CAMKK1: variants seen among roughly 807,000 people sequenced by gnomAD.
The protein encoded by CAMKK1 is calcium/calmodulin-dependent protein kinase kinase 1.
CAMKK1 carries 20 observed loss-of-function variants against 63.5 expected under a neutral mutation model. The ratio of observed to expected loss-of-function variants is 0.32; its 90% CI spans 0.22 to 0.46. CAMKK1 has a LOEUF of 0.46. Ranked by LOEUF, CAMKK1 falls within the 20% of genes least tolerant of loss-of-function variation. The pLI, the probability that CAMKK1 is intolerant of heterozygous loss-of-function variation, is 1.00. For missense variants in CAMKK1, 588 were observed against 658.1 expected (o/e 0.89, Z 1.17); for synonymous variants, 253 against 269.0 (o/e 0.94, Z 0.58).
chr17:3,863,096 C>T (rs2054383630), intron 15 of CAMKK1, among the ~76,000 whole-genome samples: 2 of 152,238 alleles, frequency 1.3e-5, no homozygotes, highest in Admixed American at 1.3e-4. Flanking sequence ...GTTTTCCTCC[C>T]AAAATGTCTC....
chr17:3,890,162 T>C lies in CAMKK1; in HGVS notation c.-44+2777A>G, dbSNP rs1193543805. Among the ~76,000 whole-genome samples, 1 of 152,190 alleles carries C rather than the reference T, an allele frequency of 6.6e-6. No homozygotes were observed. Among genetic ancestry groups the C allele is most frequent in the Non-Finnish European group, 1.5e-5 (1 of 68,006 alleles). On this transcript the variant is annotated intron_variant, in intron 1 of 15. Transcript: ENST00000348335. This position sits in a 1 kb window ranked among gnomAD's most constrained non-coding sequence, Gnocchi z 6.5. The stretch of plus-strand genomic sequence containing the variant: ...TGTGTTTATGATCCTGGCGAGTATC[T>C]GGATGGCCCTGGCAACGGGTGCCCT...
intron 10 of CAMKK1, among the ~76,000 whole-genome samples, chr17:3,875,080 C>A (rs559450918): frequency 6.6e-6 from 1 of 151,894 alleles, no homozygotes; most frequent in Non-Finnish European, 1.5e-5. Context: ...TGAGATCGCG[C>A]CACTGCACTC....
At chr17:3,866,625 C>T (rs1217433817) in intron 14 of CAMKK1, among the ~76,000 whole-genome samples, 1 of 152,280 alleles carries the variant, frequency 6.6e-6, no homozygotes, top group Admixed American at 6.5e-5. Flanking sequence ...GTCCATCCAT[C>T]CCGTCAACAC....
At chr17:3,874,437 T>C (rs1484845227) in intron 10 of CAMKK1, among the ~76,000 whole-genome samples, 1 of 152,174 alleles carries the variant, frequency 6.6e-6, no homozygotes, top group Non-Finnish European at 1.5e-5. Context: ...AATAGCACGA[T>C]CTTAGCTCAC....
chr17:3,873,602 T>A, intron 10 of CAMKK1, 140 bp from the exon 11 acceptor site: 1 of 803,120 alleles, frequency 1.2e-6, no homozygotes. Flanking sequence ...CCGCGGTACT[T>A]GCCCGATGCT....
Position 3,889,351 on chromosome 17 carries a change from G to A in CAMKK1, c.-44+3588C>T, listed in dbSNP as rs1473938352. Among the ~76,000 whole-genome samples, 2 of 152,160 alleles carry A rather than the reference G, an allele frequency of 1.3e-5. No individual in the cohort carries two copies. The highest frequency in any genetic ancestry group is 2.9e-5 in the Non-Finnish European group (2 of 68,012). ...CCGGGAACCAGGCCCATGGTACAGC[G>A]AAGGATTCCTGTGGGCATGGGCACT... On this transcript the variant is annotated intron_variant, in intron 1 of 15. Transcript: ENST00000348335. The surrounding 1 kb of genome is among the most constrained non-coding windows in gnomAD (Gnocchi z 5.2).
chr17:3,873,512 G>T (rs376271392), intron 10 of CAMKK1, 50 bp from the exon 11 acceptor site: 16 of 1,584,192 alleles, frequency 1.0e-5, no homozygotes, highest in Non-Finnish European at 1.1e-5. Context: ...AGCCACCTCT[G>T]CCCACCCAGC....
intron 15 of CAMKK1, chr17:3,865,600 G>C (rs1567609633): frequency 1.7e-6 from 2 of 1,197,708 alleles, no homozygotes; most frequent in African/African-American, 3.1e-5. Context: ...CAGTGAGAGA[G>C]TGACATCAAG....
In CAMKK1 at chr17:3,883,367, C is replaced by A. The variant is rs752316483; in HGVS notation, c.514+62G>T. On this transcript the variant is annotated intron_variant, in intron 5 of 15. Coordinates refer to ENST00000348335, the MANE Select transcript of CAMKK1 (RefSeq NM_032294.3). The surrounding 1 kb of genome is among the most constrained non-coding windows in gnomAD (Gnocchi z 4.7). ...TTCCTAGCCAAAACTAGCTCAGGAT[C>A]GAGGTCTCCTCCTCTGCCTCCAGGC... The A allele has an allele frequency of 1.3e-6, 2 of 1,539,168 alleles. No homozygotes were observed. Among genetic ancestry groups the A allele is most frequent in the Middle Eastern group, 1.7e-4 (1 of 5,842 alleles).
intron 15 of CAMKK1, chr17:3,865,675 G>C (rs2054490723): frequency 1.4e-6 from 2 of 1,391,366 alleles, no homozygotes; most frequent in Non-Finnish European, 9.3e-7. Context: ...CCCTGGAAGT[G>C]TGTGTGTGAG....
intron 9 of CAMKK1, 107 bp downstream of exon 9, chr17:3,880,239 G>T: frequency 2.1e-6 from 2 of 931,350 alleles, no homozygotes; most frequent in South Asian, 2.9e-5. Context: ...CTGATTGGCA[G>T]GTCAGCTCTG....
chr17:3,862,335 C>G lies in CAMKK1; in HGVS notation c.1446-52G>C. The G allele has an allele frequency of 1.5e-6, 2 of 1,340,928 alleles. No individual in the cohort carries two copies. Among genetic ancestry groups the G allele is most frequent in the Non-Finnish European group, 2.1e-6 (2 of 955,058 alleles). 83.1% of individuals were successfully genotyped at this position (1,340,928 alleles called of 1,614,324 possible). On this transcript the variant is annotated intron_variant, in intron 15 of 15. Coordinates refer to ENST00000348335, the MANE Select transcript of CAMKK1 (RefSeq NM_032294.3). The surrounding 1 kb of genome is among the most constrained non-coding windows in gnomAD (Gnocchi z 4.1). ...GGACCTCAGGGTCAGAATATGCACT[C>G]AGGGAGACACTCTCCCTCACACACA...
At chr17:3,871,335 T>C (rs575382500) in intron 12 of CAMKK1, among the ~76,000 whole-genome samples, 6 of 110,522 alleles carry the variant, frequency 5.4e-5, no homozygotes, top group African/African-American at 1.6e-4. Context: ...TGTTTTTTGT[T>C]TTTTTTTTTT....
In CAMKK1 at chr17:3,889,177, C is replaced by T. The variant is rs1413308747; in HGVS notation, c.-43-3447G>A. The stretch of plus-strand genomic sequence containing the variant: ...CTGCCTGCTGGGCTGGATTCTGTGC[C>T]CCGGGCGGAAACCCAGGCCCATCTG... On this transcript the variant is annotated intron_variant, in intron 1 of 15. Coordinates refer to ENST00000348335, the MANE Select transcript of CAMKK1 (RefSeq NM_032294.3). The surrounding 1 kb of genome is among the most constrained non-coding windows in gnomAD (Gnocchi z 5.2). Among the ~76,000 whole-genome samples the T allele has an allele frequency of 6.6e-6, 1 of 152,112 alleles. No homozygotes were observed. The highest frequency in any genetic ancestry group is 2.4e-5 in the African/African-American group (1 of 41,406).
chr17:3,867,547 G>A (rs1182636805), intron 14 of CAMKK1, among the ~76,000 whole-genome samples: 2 of 152,318 alleles, frequency 1.3e-5, no homozygotes, highest in South Asian at 2.1e-4. Flanking sequence ...AAGGGACAGC[G>A]TGGGAGGTTG....
chr17:3,892,035 G>A lies in CAMKK1; in HGVS notation c.-44+904C>T, dbSNP rs148742403. ...AATTTGTATGTACTGGAGGAAAGAG[G>A]GCAGGGCTTGGGGAGGCCAGCGCCA... is the stretch of plus-strand genomic sequence containing the variant. On this transcript the variant is annotated intron_variant, in intron 1 of 15. Coordinates refer to ENST00000348335, the MANE Select transcript of CAMKK1 (RefSeq NM_032294.3). This position sits in a 1 kb window ranked among gnomAD's most constrained non-coding sequence, Gnocchi z 7.5. 0.02 allele frequency among the ~76,000 whole-genome samples: 3,075 copies of A among 152,170 alleles called. 42 individuals are homozygous for A. Among genetic ancestry groups the A allele is most frequent in the South Asian group, 0.038 (184 of 4,812 alleles).
At position 3,876,259 on chromosome 17, in the gene CAMKK1, C is replaced by T; in HGVS notation, c.960G>A (p.Glu320=). 1 of 1,614,202 alleles carries T rather than the reference C, an allele frequency of 6.2e-7. No individual in the cohort carries two copies. The highest frequency in any genetic ancestry group is 8.5e-7 in the Non-Finnish European group (1 of 1,180,052). Residue 320 remains glutamate (E), a synonymous_variant, in exon 10 of 16, where the codon GAG becomes GAA. Coordinates refer to ENST00000348335, the MANE Select transcript of CAMKK1 (RefSeq NM_032294.3). ...TAGTPAFMAP[E]AISDSGQSFS... ...AGCTCTGGCCGGAATCAGAAATGGCCTCGGGGGCCATGAATGCTGGGGTTC... is the reference window on the plus strand; with the variant it reads ...AGCTCTGGCCGGAATCAGAAATGGCTTCGGGGGCCATGAATGCTGGGGTTC...
Position 3,862,638 on chromosome 17 carries a change from T to C in CAMKK1, c.1446-355A>G, listed in dbSNP as rs1031120196. On this transcript the variant is annotated intron_variant, in intron 15 of 15. Transcript: ENST00000348335. This position sits in a 1 kb window ranked among gnomAD's most constrained non-coding sequence, Gnocchi z 4.1. ...CCTTCTCTCTGTGTGTGTGGTTTTGTTGTTGTTTTGAGACAGCGTCTCGCT... is the reference window on the plus strand; with the variant it reads ...CCTTCTCTCTGTGTGTGTGGTTTTGCTGTTGTTTTGAGACAGCGTCTCGCT... Among the ~76,000 whole-genome samples, 1 of 152,242 alleles carries C rather than the reference T, an allele frequency of 6.6e-6. No individual in the cohort carries two copies. The highest frequency in any genetic ancestry group is 2.4e-5 in the African/African-American group (1 of 41,464).
intron 1 of CAMKK1, among the ~76,000 whole-genome samples, chr17:3,888,238 G>A (rs75434007): frequency 0.024 from 3,590 of 152,318 alleles, 140 homozygotes; most frequent in African/African-American, 0.082. Context: ...GTATTTCCTT[G>A]AGGTTGCCAT....
Sources: allele counts gnomAD v4.1 joint callset (sites outside exome capture counted in the v4.1 genomes callset), GRCh38; gene constraint gnomAD v4.1.1; non-coding constraint Gnocchi (gnomAD v3.1); transcripts MANE v1.5; gene names NCBI Gene and HGNC (gene_info 2026-07-23, HGNC 2026-07-21).